Variants in SLC8A2 observed in about 807,000 individuals in gnomAD.
SLC8A2 encodes sodium/calcium exchanger 2.
Under a neutral mutation model 70.2 loss-of-function variants are expected in SLC8A2, and 14 were observed. The ratio of observed to expected loss-of-function variants is 0.20; its 90% CI spans 0.13 to 0.31. The LOEUF is 0.31. Among genes scored for constraint, SLC8A2 ranks in the 10% least tolerant of loss-of-function variants. The pLI is 1.00. For synonymous variants in SLC8A2, 575 were observed against 594.3 expected (o/e 0.97, Z 0.47); for missense variants, 779 against 1,320.1 (o/e 0.59, Z 6.35).
chr19:47,430,120 A>T lies in SLC8A2; in HGVS notation c.2735T>A (p.Leu912Gln). Residue 912 changes from leucine to glutamine, a missense_variant, in exon 10 of 10, where the codon CTG (leucine) becomes CAG (glutamine). Coordinates refer to ENST00000236877, the MANE Select transcript of SLC8A2 (RefSeq NM_015063.3). The surrounding 1 kb of genome is among the most constrained non-coding windows in gnomAD (Gnocchi z 5.9). ...GCCCCGGATGTGGCAGTACGCCTCC[A>T]GGCTGGCGAAGAGGATGTACAGGAG... The part of the protein sequence containing the change: ...LWLLYILFAS[L>Q]EAYCHIRGF 6.3e-7 allele frequency: 1 copy of T among 1,591,054 alleles called. No homozygotes were observed. The highest frequency in any genetic ancestry group is 8.6e-7 in the Non-Finnish European group (1 of 1,168,652).
intron 2 of SLC8A2, among the ~76,000 whole-genome samples, chr19:47,461,634 T>C (rs990024747): frequency 6.6e-6 from 1 of 152,214 alleles, no homozygotes; most frequent in Non-Finnish European, 1.5e-5. Flanking sequence ...GACTTGCAAA[T>C]AGTAAAACTG....
At chr19:47,456,543 A>G (rs1967305244) in intron 3 of SLC8A2, among the ~76,000 whole-genome samples, 1 of 152,156 alleles carries the variant, frequency 6.6e-6, no homozygotes, top group African/African-American at 2.4e-5. Context: ...GCACACACCT[A>G]TAATCCCAGC....
intron 4 of SLC8A2, among the ~76,000 whole-genome samples, chr19:47,443,670 T>C (rs544844912): frequency 5.3e-5 from 8 of 152,174 alleles, no homozygotes; most frequent in Admixed American, 2.6e-4. Context: ...ACGTAGACGC[T>C]CCTACCTTAT....
At position 47,448,299 on chromosome 19, in the gene SLC8A2, G is replaced by T. The variant is rs568580314; in HGVS notation, c.1341-68C>A. ...TCATCGGCTGTGTGTTGTACGGGGG[G>T]AGTCTGGACGTGCTTCCCAGAGGAG... On this transcript the variant is annotated intron_variant, in intron 3 of 9. Coordinates refer to ENST00000236877, the MANE Select transcript of SLC8A2 (RefSeq NM_015063.3). The surrounding 1 kb of genome is among the most constrained non-coding windows in gnomAD (Gnocchi z 4.8). 5 of 1,227,258 alleles carry T rather than the reference G, an allele frequency of 4.1e-6. No homozygotes were observed. Among genetic ancestry groups the T allele is most frequent in the Non-Finnish European group, 5.7e-6 (5 of 875,962 alleles). 76.0% of individuals were successfully genotyped at this position (1,227,258 alleles called of 1,614,324 possible).
chr19:47,456,186 A>G (rs994961085), intron 3 of SLC8A2, among the ~76,000 whole-genome samples: 12 of 152,352 alleles, frequency 7.9e-5, no homozygotes, highest in African/African-American at 2.9e-4. Context: ...TAATTAAAAC[A>G]GTGTGGCACC....
chr19:47,459,551 C>T (rs945394369), intron 2 of SLC8A2, among the ~76,000 whole-genome samples: 2 of 151,504 alleles, frequency 1.3e-5, no homozygotes, highest in African/African-American at 4.9e-5. Flanking sequence ...CATGTGTGAG[C>T]GTATGTGCAT....
At chr19:47,441,601 C>T (rs1967100885) in intron 4 of SLC8A2, among the ~76,000 whole-genome samples, 161 bp from the exon 5 acceptor site, 1 of 152,138 alleles carries the variant, frequency 6.6e-6, no homozygotes, top group Admixed American at 6.5e-5. Flanking sequence ...GAGGAAGGCT[C>T]TATTATCATC....
Position 47,447,878 on chromosome 19 carries a change from G to A in SLC8A2, c.1694C>T (p.Thr565Met). 1 of 1,592,510 alleles carries A rather than the reference G, an allele frequency of 6.3e-7. No individual in the cohort carries two copies. Among genetic ancestry groups the A allele is most frequent in the Admixed American group, 1.7e-5 (1 of 58,018 alleles). ...VRLPYRTVDG[T>M]ARGGGVHYED... ...GTAGTGCACGCCGCCGCCGCGCGCC[G>A]TGCCGTCCACCGTGCGGTAGGGAAG... Residue 565 changes from threonine to methionine, a missense_variant, in exon 4 of 10, where the codon ACG becomes ATG. By Grantham distance (81) the Thr-to-Met change is moderately conservative (BLOSUM62 -1). This residue lies in a region of SLC8A2 where 247 missense variants were observed against 362.8 expected (regional missense o/e 0.68). Transcript: ENST00000236877. The surrounding 1 kb of genome is among the most constrained non-coding windows in gnomAD (Gnocchi z 5.1).
At chr19:47,445,790 T>A (rs1290108821) in intron 4 of SLC8A2, among the ~76,000 whole-genome samples, 1 of 151,636 alleles carries the variant, frequency 6.6e-6, no homozygotes, top group African/African-American at 2.4e-5. Context: ...CAGGTTGGAC[T>A]ATAAGAAGGA....
At chr19:47,438,208 G>A (rs761570993) in intron 6 of SLC8A2, among the ~76,000 whole-genome samples, 2 of 152,108 alleles carry the variant, frequency 1.3e-5, no homozygotes, top group Non-Finnish European at 2.9e-5. Flanking sequence ...GTATGGTGGA[G>A]GCTGTGAGAC....
intron 3 of SLC8A2, among the ~76,000 whole-genome samples, chr19:47,450,680 G>C (rs698702): frequency 6.6e-6 from 1 of 151,926 alleles, no homozygotes; most frequent in African/African-American, 2.4e-5. Flanking sequence ...TTCACTGTCC[G>C]TGGTGATGGA....
Position 47,457,160 on chromosome 19 carries a change from T to C in SLC8A2, c.1110A>G (p.Arg370=), listed in dbSNP as rs1423028866. 11 of 1,543,982 alleles carry C rather than the reference T, an allele frequency of 7.1e-6. No individual in the cohort carries two copies. Among genetic ancestry groups the C allele is most frequent in the African/African-American group, 1.4e-5 (1 of 72,040 alleles). The change falls in exon 3 of 10, where the codon AGA becomes AGG. Residue 370 remains arginine, a synonymous_variant. Transcript: ENST00000236877. Reference sequence around the variant, plus strand: ...CCCTGCGCGAGGCGTCCGCCGCGTGTCTGCGCAGCACGTTCCCGGCGCCGG... The same window carrying C: ...CCCTGCGCGAGGCGTCCGCCGCGTGCCTGCGCAGCACGTTCCCGGCGCCGG... ...LMTGAGNVLR[R]HAADASRRAA... is the part of the protein sequence containing the mutation.
At chr19:47,442,539 T>G (rs550999714) in intron 4 of SLC8A2, among the ~76,000 whole-genome samples, 1 of 152,278 alleles carries the variant, frequency 6.6e-6, no homozygotes, top group Non-Finnish European at 1.5e-5. Context: ...AGAACACTCT[T>G]CCCCCAGGCT....
At chr19:47,460,940 G>A (rs933154065) in intron 2 of SLC8A2, among the ~76,000 whole-genome samples, 6 of 152,050 alleles carry the variant, frequency 3.9e-5, no homozygotes, top group Admixed American at 1.3e-4. Flanking sequence ...TGGGCCAGGC[G>A]TGGTGGCTCA....
In SLC8A2 at chr19:47,448,273, G is replaced by C; in HGVS notation, c.1341-42C>G. The C allele has an allele frequency of 6.7e-7, 1 of 1,499,104 alleles. No homozygotes were observed. The allele number at this position is 1,499,104 out of a possible 1,614,324, so 92.9% of individuals were successfully genotyped here. On this transcript the variant is annotated intron_variant, in intron 3 of 9. Coordinates refer to ENST00000236877, the MANE Select transcript of SLC8A2 (RefSeq NM_015063.3). The surrounding 1 kb of genome is among the most constrained non-coding windows in gnomAD (Gnocchi z 4.8). ...AGGGGGAAGAGCGGGGTGAGGGTCGGTCATCGGCTGTGTGTTGTACGGGGG... is the reference window on the plus strand; with the variant it reads ...AGGGGGAAGAGCGGGGTGAGGGTCGCTCATCGGCTGTGTGTTGTACGGGGG...
rs1229094855 is a variant in SLC8A2 at position 47,451,044 on chromosome 19, T to G, written c.1341-2813A>C. On this transcript the variant is annotated intron_variant, in intron 3 of 9. Transcript: ENST00000236877. Reference sequence around the variant, plus strand: ...TTTTTTTTTTGAGACGGAGTCACCCTGTCGCCCAGGCTGGAGTGCAGTGGC... The same window carrying G: ...TTTTTTTTTTGAGACGGAGTCACCCGGTCGCCCAGGCTGGAGTGCAGTGGC... Among the ~76,000 whole-genome samples the G allele has an allele frequency of 1.4e-5, 2 of 139,228 alleles. 1 individual carries two copies. Among genetic ancestry groups the G allele is most frequent in the Admixed American group, 1.5e-4 (2 of 13,044 alleles). The allele number at this position is 139,228 out of a possible 152,430, so 91.3% of individuals were successfully genotyped here. A position where few individuals can be genotyped will look rare whatever the true frequency, so the allele number is the denominator to read the frequency against.
At position 47,432,060 on chromosome 19, in the gene SLC8A2, C is replaced by A; in HGVS notation, c.2389+107G>T. 9.2e-7 allele frequency: 1 copy of A among 1,087,088 alleles called. No homozygotes were observed. 67.3% of individuals were successfully genotyped at this position (1,087,088 alleles called of 1,614,324 possible). A position where few individuals can be genotyped will look rare whatever the true frequency, so the allele number is the denominator to read the frequency against. The stretch of plus-strand genomic sequence containing the variant: ...ACCTCCGTATTTCTCTGAGACCCAC[C>A]ACATGGGCGCTGTGTGACTCCACCC... On this transcript the variant is annotated intron_variant, in intron 9 of 9. Transcript: ENST00000236877. This position sits in a 1 kb window ranked among gnomAD's most constrained non-coding sequence, Gnocchi z 6.2.
chr19:47,458,766 C>G (rs1210692289), intron 2 of SLC8A2, among the ~76,000 whole-genome samples: 2 of 151,574 alleles, frequency 1.3e-5, no homozygotes, highest in Non-Finnish European at 2.9e-5. Context: ...TTCTTTTTCT[C>G]TCTCAATACC....
At chr19:47,440,994 G>T (rs1376312775) in intron 6 of SLC8A2, among the ~76,000 whole-genome samples, 175 bp downstream of exon 6, 2 of 152,014 alleles carry the variant, frequency 1.3e-5, no homozygotes, top group African/African-American at 4.8e-5. Context: ...ACTCATACAG[G>T]CACCACCAAC....
Sources: gnomAD v4.1 joint callset for allele counts (sites outside exome capture counted in the v4.1 genomes callset) on GRCh38, gnomAD v4.1.1 for gene constraint, gnomAD v4.1.1 regional missense constraint, Gnocchi (gnomAD v3.1) non-coding constraint, MANE v1.5 for transcripts, NCBI Gene and HGNC (gene_info 2026-07-23, HGNC 2026-07-21) for gene names.